The following DST variants were observed in gnomAD, a reference collection of about 807,000 sequenced individuals.
DST encodes the protein bullous pemphigoid antigen.
Under a neutral mutation model 875.2 loss-of-function variants are expected in DST, and 253 were observed. The ratio of observed to expected loss-of-function variants is 0.29; its 90% confidence interval spans 0.26 to 0.32. DST has a LOEUF of 0.32. Among genes scored for constraint, DST ranks in the 10% least tolerant of loss-of-function variants. The pLI is 1.00. For synonymous variants in DST, 3,124 were observed against 3,197.1 expected, an observed-to-expected ratio of 0.98 and a Z score of 0.77; for missense variants, 8,287 against 9,111.6, an observed-to-expected ratio of 0.91 and a Z score of 3.68.
intron 4 of DST, among the ~76,000 whole-genome samples, chr6:56,738,493 T>C (rs1481953527): frequency 1.3e-5 from 2 of 151,862 alleles, no homozygotes; most frequent in African/African-American, 2.4e-5. Flanking sequence ...GCTAATTTTT[T>C]GTATTTTTAG....
intron 4 of DST, among the ~76,000 whole-genome samples, chr6:56,780,950 C>T (rs2099692337): frequency 1.3e-5 from 2 of 152,138 alleles, no homozygotes; most frequent in African/African-American, 4.8e-5. Context: ...CATATGGTTG[C>T]CAGTTTTCCC....
At chr6:56,905,958 C>T (rs11963350) in intron 2 of DST, among the ~76,000 whole-genome samples, 41,779 of 151,968 alleles carry the variant, frequency 0.27, 6,086 homozygotes, top group African/African-American at 0.36. Flanking sequence ...CTATATTGCA[C>T]TTTCTTTATC....
chr6:56,785,255 G>A (rs2099702793), intron 4 of DST, among the ~76,000 whole-genome samples: 1 of 152,238 alleles, frequency 6.6e-6, no homozygotes, highest in Non-Finnish European at 1.5e-5. Flanking sequence ...CTGTCAGACA[G>A]GGACATTTAA....
chr6:56,620,229 G>A, intron 36 of DST: 1 of 1,612,932 alleles, frequency 6.2e-7, no homozygotes, highest in Non-Finnish European at 8.5e-7. Context: ...TTATTTTTTT[G>A]TTGCTCCAAA....
At chr6:56,916,982 C>A (rs1801471474) in intron 2 of DST, among the ~76,000 whole-genome samples, 1 of 112,404 alleles carries the variant, frequency 8.9e-6, no homozygotes, top group Non-Finnish European at 1.7e-5. Context: ...AAGCCCCAGG[C>A]ATGCTAAAAA....
chr6:56,946,894 T>C (rs1819789121), intron 2 of DST, among the ~76,000 whole-genome samples: 1 of 152,158 alleles, frequency 6.6e-6, no homozygotes, highest in African/African-American at 2.4e-5. Context: ...TTTAATGTAT[T>C]TCAGTCAATA....
chr6:56,861,987 T>C (rs1363874565), intron 3 of DST: 1 of 152,190 alleles, frequency 6.6e-6, no homozygotes, highest in Non-Finnish European at 1.5e-5. Context: ...ACTCACCGTG[T>C]GGGTAGCAGC....
intron 2 of DST, among the ~76,000 whole-genome samples, chr6:56,940,241 T>C (rs1451608159): frequency 4.7e-5 from 7 of 149,994 alleles, no homozygotes; most frequent in East Asian, 1.9e-4. Flanking sequence ...CACACATATA[T>C]ACATATATAC....
At chr6:56,676,376 G>GT (rs2099130221) in intron 9 of DST, among the ~76,000 whole-genome samples, 1 of 152,192 alleles carries the variant, frequency 6.6e-6, no homozygotes, top group African/African-American at 2.4e-5. Flanking sequence ...CTGATAGCAA[G>GT]TTTTGTTAAG....
chr6:56,517,708 T>C (rs2096621728), intron 69 of DST, 88 bp from the exon 70 acceptor site: 1 of 1,434,354 alleles, frequency 7.0e-7, no homozygotes, highest in South Asian at 1.5e-5. Context: ...ATATCCTTAT[T>C]ACACAAGTGG....
intron 78 of DST, 149 bp from the exon 79 acceptor site, chr6:56,501,842 G>T: frequency 2.0e-6 from 1 of 499,984 alleles, no homozygotes; most frequent in Non-Finnish European, 3.3e-6. Context: ...GCTTACCAAT[G>T]GAAGAATTAT....
Position 56,824,662 on chromosome 6 carries a change from C to A in DST, c.625+26735G>T, listed in dbSNP as rs567614672. Among the ~76,000 whole-genome samples, 4 of 151,874 alleles carry A rather than the reference C, an allele frequency of 2.6e-5. No homozygotes were observed. The East Asian group carries it at 7.8e-4, about 29-fold the overall frequency. On this transcript the variant is annotated intron_variant, in intron 4 of 103. Coordinates refer to ENST00000680361, the MANE Select transcript of DST (RefSeq NM_001374736.1). ...GAGCGCCTCTGACCGGCCGCGACCCCGTCTGGGAGGTGAGGAGCGTCTGTG... is the reference window on the plus strand; with the variant it reads ...GAGCGCCTCTGACCGGCCGCGACCCAGTCTGGGAGGTGAGGAGCGTCTGTG...
At chr6:56,473,783 C>A in intron 93 of DST, 90 bp downstream of exon 93, 1 of 1,304,788 alleles carries the variant, frequency 7.7e-7, no homozygotes, top group South Asian at 1.4e-5. Flanking sequence ...TGTAAAATCA[C>A]CAATTGCCCC....
chr6:56,821,267 C>T (rs1307991393), intron 4 of DST, among the ~76,000 whole-genome samples: 1 of 152,166 alleles, frequency 6.6e-6, no homozygotes, highest in Non-Finnish European at 1.5e-5. Context: ...TAGTGCAATA[C>T]ATGGCATAAA....
intron 85 of DST, among the ~76,000 whole-genome samples, chr6:56,491,530 T>G (rs1004728068): frequency 6.6e-6 from 1 of 152,162 alleles, no homozygotes; most frequent in African/African-American, 2.4e-5. Flanking sequence ...TAGTCTAGAA[T>G]GGAATGTTAA....
In DST at chr6:56,592,252, G is replaced by A. The variant is rs772339057; in HGVS notation, c.12833C>T (p.Ala4278Val). ...LAGLQACEATASKHLSEPIAV... is the reference protein window; with the variant it reads ...LAGLQACEATVSKHLSEPIAV... ...AATAGGTTCAGATAAGTGTTTGCTCGCTGTGGCCTCACAGGCCTGGAGTCC... is the reference window on the plus strand; with the variant it reads ...AATAGGTTCAGATAAGTGTTTGCTCACTGTGGCCTCACAGGCCTGGAGTCC... The change falls in exon 49 of 104, where the codon GCG (alanine) becomes GTG (valine). Residue 4278 changes from alanine (A) to valine (V), a missense_variant. Physicochemically the swap from Ala to Val is moderately conservative, Grantham distance 64. Coordinates refer to ENST00000680361, the MANE Select transcript of DST (RefSeq NM_001374736.1). The A allele has an allele frequency of 1.4e-5, 23 of 1,612,972 alleles. No individual in the cohort carries two copies. The highest frequency in any genetic ancestry group is 3.3e-5 in the Admixed American group (2 of 59,918).
chr6:56,878,107 T>C (rs1489659505), intron 3 of DST, among the ~76,000 whole-genome samples: 2 of 152,130 alleles, frequency 1.3e-5, no homozygotes, highest in Non-Finnish European at 1.5e-5. Context: ...GACAACCACG[T>C]TAGGACAGTG....
chr6:56,565,147 G>A (rs1287302207), intron 55 of DST, among the ~76,000 whole-genome samples: 1 of 140,964 alleles, frequency 7.1e-6, no homozygotes, highest in Non-Finnish European at 1.5e-5. Flanking sequence ...TTGTGACGGA[G>A]TATTGCTCTG....
chr6:56,529,900 TACATAACTCAAATTTATGTCACAAAACC>T, intron 65 of DST, 46 bp downstream of exon 65: 1 of 1,561,278 alleles, frequency 6.4e-7, no homozygotes, highest in South Asian at 1.2e-5. Flanking sequence ...AAAACAATAG[TACATAACTCAAATTTATGTCACAAAACC>T]ACACAATAAA....
Sources: allele counts gnomAD v4.1 joint callset (sites outside exome capture counted in the v4.1 genomes callset), GRCh38; gene constraint gnomAD v4.1.1; transcripts MANE v1.5; gene names NCBI Gene and HGNC (gene_info 2026-07-23, HGNC 2026-07-21).